Variants in COBL observed in about 807,000 individuals in gnomAD.
COBL encodes the protein cordon-bleu WH2 repeat protein.
Under a neutral mutation model 98.8 loss-of-function variants are expected in COBL, and 51 were observed. The observed-to-expected ratio is 0.52, with a 90% confidence interval of 0.41 to 0.65. The LOEUF (loss-of-function observed/expected upper bound fraction) is 0.65, where lower values mean the gene tolerates loss of function less well. Among genes scored for constraint, COBL ranks in the 30% least tolerant of loss-of-function variants. COBL has a pLI of 0.00. For synonymous variants in COBL, 634 were observed against 651.7 expected (o/e 0.97, Z 0.41); for missense variants, 1,617 against 1,617.5 (o/e 1.00, Z 0.01).
chr7:51,165,475 T>C (rs1787222663), intron 5 of COBL, among the ~76,000 whole-genome samples: 1 of 151,998 alleles, frequency 6.6e-6, no homozygotes, highest in Non-Finnish European at 1.5e-5. Context: ...AAGCAAATAT[T>C]ATTAGAGCTA....
At chr7:51,039,896 C>G (rs901369778) in intron 8 of COBL, among the ~76,000 whole-genome samples, 2 of 152,198 alleles carry the variant, frequency 1.3e-5, no homozygotes, top group African/African-American at 2.4e-5. Context: ...ACTGGCCACA[C>G]TGGGTCTGTA....
intron 10 of COBL, among the ~76,000 whole-genome samples, chr7:51,027,121 G>A (rs1431411079): frequency 1.3e-5 from 2 of 152,224 alleles, no homozygotes; most frequent in African/African-American, 4.8e-5. Flanking sequence ...ACTAACTAGT[G>A]CCTGACCTTG....
Position 51,190,996 on chromosome 7 carries a change from A to G in COBL, c.539T>C (p.Ile180Thr). ...ACACTTTGCACAAATGACTGGGAGA[A>G]TATTCTGGAGAGGAACCTCAGGGCT... ...RVSPEVPLQN[I>T]LPVICAKCEV... Residue 180 changes from isoleucine (I) to threonine (T), a missense_variant, in exon 4 of 13, where the codon ATT (isoleucine) becomes ACT (threonine). Ile to Thr is a moderately conservative substitution (Grantham distance 89). Around this residue, in one of 3 missense-constraint regions of COBL, gnomAD observed 75 missense variants for 120.5 expected, o/e 0.62. Coordinates refer to ENST00000265136, the MANE Select transcript of COBL (RefSeq NM_015198.5). 1 of 1,614,188 alleles carries G rather than the reference A, an allele frequency of 6.2e-7. No individual in the cohort carries two copies.
At chr7:51,112,943 C>T (rs1796965096) in intron 6 of COBL, among the ~76,000 whole-genome samples, 1 of 152,184 alleles carries the variant, frequency 6.6e-6, no homozygotes, top group Non-Finnish European at 1.5e-5. Context: ...AATATAAAAA[C>T]TCCTACAACC....
At chr7:51,129,910 C>T (rs759532751) in intron 6 of COBL, among the ~76,000 whole-genome samples, 9 of 152,146 alleles carry the variant, frequency 5.9e-5, no homozygotes, top group Non-Finnish European at 1.3e-4. Context: ...AAAGAAGATT[C>T]TCCAGGGTAG....
intron 6 of COBL, among the ~76,000 whole-genome samples, chr7:51,134,807 C>A (rs1329004660): frequency 6.6e-6 from 1 of 152,108 alleles, no homozygotes; most frequent in Non-Finnish European, 1.5e-5. Flanking sequence ...GAAGAAATAG[C>A]TTTGTGTTTT....
At chr7:51,228,758 C>T (rs914511696) in intron 1 of COBL, among the ~76,000 whole-genome samples, 2 of 152,174 alleles carry the variant, frequency 1.3e-5, no homozygotes, top group African/African-American at 4.8e-5. Context: ...TATTACTCAA[C>T]TCCCAGCAAG....
Position 51,085,198 on chromosome 7 carries a change from T to G in COBL, c.1064A>C (p.Glu355Ala). The G allele has an allele frequency of 6.2e-7, 1 of 1,613,574 alleles. No homozygotes were observed. The highest frequency in any genetic ancestry group is 8.5e-7 in the Non-Finnish European group (1 of 1,179,920). Reference protein sequence around the residue: ...PPSPLIPNRTEDKEENRKSTM... With the variant: ...PPSPLIPNRTADKEENRKSTM... Reference sequence around the variant, plus strand: ...GCTCTTCCTGTTCTCCTCCTTATCCTCAGTGCGGTTGGGGATCAGGGGACT... The same window carrying G: ...GCTCTTCCTGTTCTCCTCCTTATCCGCAGTGCGGTTGGGGATCAGGGGACT... Residue 355 changes from glutamate to alanine, a missense_variant, in exon 7 of 13, where the codon GAG becomes GCG. Physicochemically the swap from Glu to Ala is moderately radical, Grantham distance 107. Around this residue, in one of 3 missense-constraint regions of COBL, gnomAD observed 1,304 missense variants for 1,282.0 expected, o/e 1.02. Transcript: ENST00000265136.
chr7:51,136,886 G>A (rs141631699), intron 5 of COBL, among the ~76,000 whole-genome samples: 7 of 152,268 alleles, frequency 4.6e-5, no homozygotes, highest in East Asian at 1.9e-4. Flanking sequence ...CATCAGTACC[G>A]TACTTAGTGA....
chr7:51,281,395 A>G (rs767045815), intron 1 of COBL, among the ~76,000 whole-genome samples: 1 of 152,214 alleles, frequency 6.6e-6, no homozygotes, highest in Non-Finnish European at 1.5e-5. Context: ...AATTAACAGA[A>G]AACTTTTCAA....
At chr7:51,175,326 G>T (rs1192764419) in intron 5 of COBL, among the ~76,000 whole-genome samples, 1 of 152,172 alleles carries the variant, frequency 6.6e-6, no homozygotes, top group Non-Finnish European at 1.5e-5. Flanking sequence ...ATACCAAAAG[G>T]TGCATGAACG....
chr7:51,104,685 G>A (rs1390929323), intron 6 of COBL, among the ~76,000 whole-genome samples: 1 of 152,062 alleles, frequency 6.6e-6, no homozygotes, highest in Non-Finnish European at 1.5e-5. Context: ...GGGGAGCCTG[G>A]AGACCCTGAC....
At chr7:51,171,691 T>C (rs1325449700) in intron 5 of COBL, among the ~76,000 whole-genome samples, 1 of 152,152 alleles carries the variant, frequency 6.6e-6, no homozygotes, top group East Asian at 1.9e-4. Context: ...CAGAAAAATA[T>C]TCTTCTACTT....
rs180881807 is a variant in COBL, at chr7:51,156,299, C to T, written c.784-19968G>A. The T allele has an allele frequency of 3.8e-4, 374 of 985,240 alleles. 2 individuals carry two copies. The African/African-American group carries it at 6.3e-3, about 17-fold the overall frequency. 61.0% of individuals were successfully genotyped at this position (985,240 alleles called of 1,614,324 possible). ...GTTCTTTTCCTCTTTTTTATCTCCC[C>T]ATGATGTCCAGACAGTAGTTATTCT... is the stretch of plus-strand genomic sequence containing the variant. On this transcript the variant is annotated intron_variant, in intron 5 of 12. Coordinates refer to ENST00000265136, the MANE Select transcript of COBL (RefSeq NM_015198.5).
chr7:51,047,273 C>T (rs896811384), intron 7 of COBL, among the ~76,000 whole-genome samples: 1 of 152,200 alleles, frequency 6.6e-6, no homozygotes, highest in Non-Finnish European at 1.5e-5. Context: ...TGAATAGCCA[C>T]AGAGCCTGAG....
At chr7:51,180,658 T>A (rs1788860467) in intron 5 of COBL, among the ~76,000 whole-genome samples, 3 of 152,194 alleles carry the variant, frequency 2.0e-5, no homozygotes, top group Admixed American at 2.0e-4. Flanking sequence ...ACTGGAAAAA[T>A]TATTTTTCAA....
intron 6 of COBL, among the ~76,000 whole-genome samples, chr7:51,093,603 T>C (rs898324515): frequency 6.6e-6 from 1 of 152,200 alleles, no homozygotes; most frequent in African/African-American, 2.4e-5. Context: ...GAGCCAACTA[T>C]CCCCACAGCA....
At chr7:51,293,450 A>C (rs180705287) in intron 1 of COBL, among the ~76,000 whole-genome samples, 15 of 152,354 alleles carry the variant, frequency 9.8e-5, no homozygotes, top group South Asian at 2.1e-4. Flanking sequence ...CCATGAAATC[A>C]TCATGCCAAG....
chr7:51,160,854 CCTACT>C (rs1786725248), intron 5 of COBL, among the ~76,000 whole-genome samples: 1 of 152,120 alleles, frequency 6.6e-6, no homozygotes, highest in Non-Finnish European at 1.5e-5. Flanking sequence ...ACATGATTCT[CCTACT>C]CTACTCTTAA....
Sources: allele counts gnomAD v4.1 joint callset (sites outside exome capture counted in the v4.1 genomes callset), GRCh38; gene constraint gnomAD v4.1.1; regional missense constraint gnomAD v4.1.1; transcripts MANE v1.5; gene names NCBI Gene and HGNC (gene_info 2026-07-23, HGNC 2026-07-21).